IL12RB2: variants seen among roughly 807,000 people sequenced by gnomAD.
The protein encoded by IL12RB2 is interleukin 12 receptor subunit beta 2, also known as interleukin-12 receptor subunit beta-2.
In IL12RB2, 82 loss-of-function variants were observed where a neutral mutation model predicts 89.4. The ratio of observed to expected loss-of-function variants is 0.92; its 90% CI spans 0.77 to 1.10. The LOEUF (loss-of-function observed/expected upper bound fraction) is 1.10, where lower values mean the gene tolerates loss of function less well. Among genes scored for constraint, IL12RB2 ranks in the 50% least tolerant of loss-of-function variants. The pLI is 0.00. For missense variants in IL12RB2, 963 were observed against 1,031.9 expected (o/e 0.93, Z 0.92); for synonymous variants, 368 against 370.1 (o/e 0.99, Z 0.07).
chr1:67,308,274 C>T (rs1277726983), intron 1 of IL12RB2, among the ~76,000 whole-genome samples: 1 of 151,854 alleles, frequency 6.6e-6, no homozygotes, highest in Non-Finnish European at 1.5e-5. Flanking sequence ...CTCTCTGGGC[C>T]GGGGCACAGA....
At chr1:67,386,328 C>T (rs1010681448) in intron 14 of IL12RB2, among the ~76,000 whole-genome samples, 6 of 152,062 alleles carry the variant, frequency 3.9e-5, no homozygotes, top group East Asian at 1.9e-4. Flanking sequence ...CTTTGCATTC[C>T]GTACCTCCTT....
chr1:67,377,678 A>G (rs1369429329), intron 13 of IL12RB2, among the ~76,000 whole-genome samples: 2 of 141,096 alleles, frequency 1.4e-5, no homozygotes. Context: ...CTCATTGCCT[A>G]TCTTCCCCAC....
chr1:67,312,989 C>G (rs994311314), intron 1 of IL12RB2, among the ~76,000 whole-genome samples: 10 of 152,382 alleles, frequency 6.6e-5, no homozygotes, highest in South Asian at 2.1e-4. Context: ...CCTTCCCCTT[C>G]AAGCCATTTA....
At chr1:67,386,530 T>G (rs1286080747) in intron 14 of IL12RB2, 49 bp from the exon 15 acceptor site, 1 of 1,277,564 alleles carries the variant, frequency 7.8e-7, no homozygotes, top group African/African-American at 1.5e-5. Context: ...GATTTTGAAA[T>G]GTTCATTGGT....
chr1:67,326,943 T>TTTATTTATTTA (rs1553310358), intron 5 of IL12RB2, 94 bp downstream of exon 5: 38 of 696,798 alleles, frequency 5.5e-5, no homozygotes, highest in African/African-American at 4.3e-4. Context: ...TTTTATTTTA[T>TTTATTTATTTA]TTTATTTATT....
chr1:67,394,516 G>A (rs754368831), intron 16 of IL12RB2, among the ~76,000 whole-genome samples: 1 of 152,092 alleles, frequency 6.6e-6, no homozygotes, highest in Non-Finnish European at 1.5e-5. Flanking sequence ...AGCTAATTTT[G>A]TCTGTTACAA....
In IL12RB2 at chr1:67,397,771, G is replaced by A. The variant is rs998672458; in HGVS notation, c.*1682G>A. On this transcript the variant is annotated 3_prime_UTR_variant, in exon 17 of 17. Coordinates refer to ENST00000674203, the MANE Select transcript of IL12RB2 (RefSeq NM_001374259.2). ...TCCTGTCAAGCCTGGGGTCCACCCC[G>A]TACCCCTTCCCACATGAACGCTGGA... is the stretch of plus-strand genomic sequence containing the variant. Among the ~76,000 whole-genome samples, 8 of 150,852 alleles carry A rather than the reference G, an allele frequency of 5.3e-5. No individual in the cohort carries two copies. Among genetic ancestry groups the A allele is most frequent in the African/African-American group, 1.7e-4 (7 of 40,184 alleles).
intron 16 of IL12RB2, among the ~76,000 whole-genome samples, chr1:67,392,242 G>A (rs990434474): frequency 2.0e-5 from 3 of 152,098 alleles, no homozygotes; most frequent in Non-Finnish European, 2.9e-5. Context: ...ATTCATTGCA[G>A]CATTATCAAT....
At chr1:67,320,217 C>A in intron 2 of IL12RB2, 116 bp from the exon 3 acceptor site, 1 of 1,481,024 alleles carries the variant, frequency 6.8e-7, no homozygotes, top group South Asian at 1.2e-5. Context: ...TTTAAAATAA[C>A]AAGATCTCAA....
chr1:67,389,873 G>A (rs181518014), intron 15 of IL12RB2, among the ~76,000 whole-genome samples, 156 bp from the exon 16 acceptor site: 8 of 152,296 alleles, frequency 5.3e-5, no homozygotes, highest in Non-Finnish European at 7.3e-5. Flanking sequence ...GAAAACTACC[G>A]TAGTCTTGGA....
intron 14 of IL12RB2, among the ~76,000 whole-genome samples, chr1:67,385,750 C>T (rs1665065427): frequency 6.6e-6 from 1 of 152,212 alleles, no homozygotes; most frequent in African/African-American, 2.4e-5. Flanking sequence ...TTCACAATCA[C>T]CCTAGCTAGA....
rs1296736132 is a variant in IL12RB2 at position 67,395,784 on chromosome 1, C to A, written c.2284C>A (p.Gln762Lys). The change falls in exon 17 of 17, where the codon CAA (glutamine) becomes AAA (lysine). Residue 762 changes from glutamine to lysine, a missense_variant. Gln to Lys is a moderately conservative substitution (Grantham distance 53). Transcript: ENST00000674203. Reference sequence around the variant, plus strand: ...AAGAGCTCTCCAAGCTGAGAGCAGACAACTGGTGGATCTGTACAAGGTGCT... The same window carrying A: ...AAGAGCTCTCCAAGCTGAGAGCAGAAAACTGGTGGATCTGTACAAGGTGCT... ...PPRALQAESRQLVDLYKVLES... is the reference protein window; with the variant it reads ...PPRALQAESRKLVDLYKVLES... 6.2e-7 allele frequency: 1 copy of A among 1,613,964 alleles called. No individual in the cohort carries two copies. Among genetic ancestry groups the A allele is most frequent in the South Asian group, 1.1e-5 (1 of 91,072 alleles).
intron 11 of IL12RB2, 125 bp from the exon 12 acceptor site, chr1:67,372,309 AAC>A: frequency 1.3e-6 from 1 of 741,000 alleles, no homozygotes; most frequent in Non-Finnish European, 2.5e-6. Context: ...ACTGTGCTTG[AAC>A]CATCTTTAAA....
intron 2 of IL12RB2, among the ~76,000 whole-genome samples, chr1:67,316,105 A>G (rs776858828): frequency 6.6e-6 from 1 of 152,232 alleles, no homozygotes; most frequent in East Asian, 1.9e-4. Flanking sequence ...AGGACAGCAC[A>G]TGCCTACTAT....
At chr1:67,323,640 T>G (rs542322001) in intron 4 of IL12RB2, among the ~76,000 whole-genome samples, 64 of 152,318 alleles carry the variant, frequency 4.2e-4, no homozygotes, top group African/African-American at 1.5e-3. Context: ...AAAGTATCAG[T>G]CAAACGTGAG....
chr1:67,376,869 G>A (rs1235678259), intron 13 of IL12RB2, among the ~76,000 whole-genome samples: 1 of 152,180 alleles, frequency 6.6e-6, no homozygotes, highest in Non-Finnish European at 1.5e-5. Context: ...GCTGCAGCAG[G>A]AGGAACAGAA....
chr1:67,335,997 C>A (rs2100723684), intron 8 of IL12RB2, among the ~76,000 whole-genome samples: 1 of 152,180 alleles, frequency 6.6e-6, no homozygotes, highest in Admixed American at 6.5e-5. Flanking sequence ...AGTGAGTGTC[C>A]CCTTTAGATT....
rs1558318303 is a variant in IL12RB2, at chr1:67,341,563, GAAAGAA to G, written c.1038+2862_1038+2867del. On this transcript the variant is annotated intron_variant, in intron 9 of 16. Transcript: ENST00000674203. ...AGAAAGAAAGAAAGAAAGAAAGAAA[GAAAGAA>G]AGAAAGAAAGAAAGAAAAGAAAGGA... Among the ~76,000 whole-genome samples the G allele has an allele frequency of 8.8e-3, 489 of 55,622 alleles. 4 individuals carry two copies. Among genetic ancestry groups the G allele is most frequent in the African/African-American group, 0.02 (431 of 21,128 alleles). 36.5% of individuals were successfully genotyped at this position (55,622 alleles called of 152,430 possible). A position where few individuals can be genotyped will look rare whatever the true frequency, so the allele number is the denominator to read the frequency against.
rs995448034 is a variant in IL12RB2 at position 67,397,259 on chromosome 1, A to T, written c.*1170A>T. Among the ~76,000 whole-genome samples, 6 of 152,204 alleles carry T rather than the reference A, an allele frequency of 3.9e-5. No individual in the cohort carries two copies. The highest frequency in any genetic ancestry group is 3.3e-4 in the Admixed American group (5 of 15,274). On this transcript the variant is annotated 3_prime_UTR_variant, in exon 17 of 17. Coordinates refer to ENST00000674203, the MANE Select transcript of IL12RB2 (RefSeq NM_001374259.2). ...AAGACCTATATTGTAAACTCACCAT[A>T]GTACCATAGTACCTTGGGCAACCCA...
Sources: gnomAD v4.1 joint callset for allele counts (sites outside exome capture counted in the v4.1 genomes callset) on GRCh38, gnomAD v4.1.1 for gene constraint, MANE v1.5 for transcripts, NCBI Gene and HGNC (gene_info 2026-07-23, HGNC 2026-07-21) for gene names.